The following ASPHD2 variants were observed in gnomAD, a reference collection of about 807,000 sequenced individuals.
ASPHD2 encodes aspartate beta-hydroxylase domain containing 2, also known as aspartate beta-hydroxylase domain-containing protein 2.
Under a neutral mutation model 34.6 loss-of-function variants are expected in ASPHD2, and 12 were observed. The ratio of observed to expected loss-of-function variants is 0.35; its 90% CI spans 0.22 to 0.56. The LOEUF is 0.56. Ranked by LOEUF, ASPHD2 falls within the 20% of genes least tolerant of loss-of-function variation. The pLI, the probability that ASPHD2 is intolerant of heterozygous loss-of-function variation, is 0.87. For synonymous variants in ASPHD2, 224 were observed against 212.2 expected (o/e 1.06, Z -0.48); for missense variants, 375 against 505.0 (o/e 0.74, Z 2.47).
chr22:26,442,317 C>CCATA (rs1228027846), intron 2 of ASPHD2, 142 bp from the exon 3 acceptor site: 4 of 622,916 alleles, frequency 6.4e-6, no homozygotes, highest in African/African-American at 1.9e-5. Flanking sequence ...AGCCTTCAGA[C>CCATA]CATAGCACGG....
At chr22:26,441,554 C>T (rs2084840167) in intron 2 of ASPHD2, among the ~76,000 whole-genome samples, 1 of 148,236 alleles carries the variant, frequency 6.7e-6, no homozygotes, top group South Asian at 2.2e-4. Context: ...CTTTGGGAGG[C>T]TGAGGCAAGC....
Position 26,434,110 on chromosome 22 carries a change from C to G in ASPHD2, c.495C>G (p.Pro165=), listed in dbSNP as rs373619402. The G allele has an allele frequency of 3.0e-5, 49 of 1,612,658 alleles. No individual in the cohort carries two copies. The Middle Eastern group carries it at 5.0e-4, about 16-fold the overall frequency. ...YLNSRPSIQK[P]EVFFLPDLPT... The stretch of plus-strand genomic sequence containing the variant: ...ACAGCCGGCCCTCCATCCAGAAGCC[C>G]GAGGTCTTCTTCCTGCCCGACCTGC... The change falls in exon 2 of 4, where the codon CCC becomes CCG. Residue 165 remains proline, a synonymous_variant. Transcript: ENST00000215906.
At chr22:26,438,098 GA>G (rs1478425723) in intron 2 of ASPHD2, among the ~76,000 whole-genome samples, 1 of 152,164 alleles carries the variant, frequency 6.6e-6, no homozygotes, top group African/African-American at 2.4e-5. Context: ...ACGTGGCGAT[GA>G]ATCATTTAGT....
intron 1 of ASPHD2, among the ~76,000 whole-genome samples, chr22:26,432,972 G>C (rs1366974317): frequency 6.6e-6 from 1 of 152,224 alleles, no homozygotes; most frequent in Non-Finnish European, 1.5e-5. Flanking sequence ...TAAAGGTACA[G>C]CGATCACAGG....
At chr22:26,431,326 CAG>C (rs1158462746) in intron 1 of ASPHD2, among the ~76,000 whole-genome samples, 3 of 150,948 alleles carry the variant, frequency 2.0e-5, no homozygotes, top group African/African-American at 4.9e-5. Context: ...AGGAGAGAAA[CAG>C]GGGGCTGAAG....
intron 2 of ASPHD2, among the ~76,000 whole-genome samples, chr22:26,437,246 C>G (rs990302453): frequency 6.6e-6 from 1 of 152,240 alleles, no homozygotes; most frequent in African/African-American, 2.4e-5. Flanking sequence ...AAGGTAGAGG[C>G]ACCTGCAGTT....
chr22:26,438,496 C>CACATACATATATAT (rs1203622411), intron 2 of ASPHD2, among the ~76,000 whole-genome samples: 2 of 88,382 alleles, frequency 2.3e-5, no homozygotes, highest in Non-Finnish European at 4.6e-5. Flanking sequence ...TATAGATACA[C>CACATACATATATAT]ACATACATAT....
intron 2 of ASPHD2, among the ~76,000 whole-genome samples, chr22:26,438,664 TACAC>T (rs1279396555): frequency 8.8e-6 from 1 of 113,728 alleles, no homozygotes; most frequent in Non-Finnish European, 1.9e-5. Flanking sequence ...TATATATATA[TACAC>T]ATACATACAT....
rs1287884905 is a variant in ASPHD2 at position 26,433,874 on chromosome 22, G to A, written c.259G>A (p.Val87Ile). Residue 87 changes from valine (V) to isoleucine (I), a missense_variant, in exon 2 of 4, where the codon GTC becomes ATC. Transcript: ENST00000215906. This position sits in a 1 kb window ranked among gnomAD's most constrained non-coding sequence, Gnocchi z 5.1. ...GGGCAGGGAGCAGCCCCGGCCCTACGTCTCCGTCAACTCCCTCATGCAGGC... is the reference window on the plus strand; with the variant it reads ...GGGCAGGGAGCAGCCCCGGCCCTACATCTCCGTCAACTCCCTCATGCAGGC... ...HVGREQPRPYVSVNSLMQAAD... is the reference protein window; with the variant it reads ...HVGREQPRPYISVNSLMQAAD... The A allele has an allele frequency of 1.5e-5, 24 of 1,613,702 alleles. No individual in the cohort carries two copies. The highest frequency in any genetic ancestry group is 6.7e-5 in the East Asian group (3 of 44,898).
intron 3 of ASPHD2, 126 bp from the exon 4 acceptor site, chr22:26,442,971 C>T (rs996952840): frequency 3.8e-5 from 28 of 728,358 alleles, no homozygotes; most frequent in East Asian, 2.2e-4. Context: ...TGGTCCGATC[C>T]GAGCCGAGGG....
intron 2 of ASPHD2, among the ~76,000 whole-genome samples, chr22:26,438,520 T>TATACACATACAA (rs1342206432): frequency 6.8e-6 from 1 of 146,732 alleles, no homozygotes; most frequent in Non-Finnish European, 1.5e-5. Flanking sequence ...TACATACATA[T>TATACACATACAA]ATATACATAC....
Position 26,429,964 on chromosome 22 carries a change from C to T in ASPHD2, c.-225+478C>T, listed in dbSNP as rs2084746734. 6.6e-6 allele frequency among the ~76,000 whole-genome samples: 1 copy of T among 152,150 alleles called. No homozygotes were observed. Among genetic ancestry groups the T allele is most frequent in the Non-Finnish European group, 1.5e-5 (1 of 68,018 alleles). On this transcript the variant is annotated intron_variant, in intron 1 of 3. Coordinates refer to ENST00000215906, the MANE Select transcript of ASPHD2 (RefSeq NM_020437.5). The surrounding 1 kb of genome is among the most constrained non-coding windows in gnomAD (Gnocchi z 4.5). ...ACTTTTCCGGGCAACACTCACCTTT[C>T]CATCGTCCCATCCCCCTCCTCCCCT...
intron 2 of ASPHD2, among the ~76,000 whole-genome samples, chr22:26,435,811 A>G (rs1241688778): frequency 6.6e-6 from 1 of 152,190 alleles, no homozygotes; most frequent in Non-Finnish European, 1.5e-5. Context: ...TTCAAGAGTA[A>G]AGGGCGGACT....
In ASPHD2 at chr22:26,443,342, A is replaced by G. The variant is rs977811427; in HGVS notation, c.*136A>G. The G allele has an allele frequency of 1.0e-5, 7 of 696,998 alleles. No homozygotes were observed. The highest frequency in any genetic ancestry group is 2.7e-5 in the East Asian group (1 of 36,946). 43.2% of individuals were successfully genotyped at this position (696,998 alleles called of 1,614,324 possible). ...GCGGAAAGCTCTTATTTGGGATTTT[A>G]TATCATGTCGGGTCCCTCTTTCCCT... On this transcript the variant is annotated 3_prime_UTR_variant, in exon 4 of 4. Transcript: ENST00000215906.
chr22:26,442,941 GCT>G (rs1437853683), intron 3 of ASPHD2, among the ~76,000 whole-genome samples, 154 bp from the exon 4 acceptor site: 1 of 152,134 alleles, frequency 6.6e-6, no homozygotes, highest in African/African-American at 2.4e-5. Flanking sequence ...CCAGGTTTAT[GCT>G]CTCAGTGAGA....
In ASPHD2 at chr22:26,434,141, A is replaced by G; in HGVS notation, c.526A>G (p.Thr176Ala). The stretch of plus-strand genomic sequence containing the variant: ...CTTCTTCCTGCCCGACCTGCCCACC[A>G]CGCCCTATTTCTCCCGGGACGCACA... ...EVFFLPDLPTTPYFSRDAQKH... is the reference protein window; with the variant it reads ...EVFFLPDLPTAPYFSRDAQKH... Residue 176 changes from threonine (T) to alanine (A), a missense_variant, in exon 2 of 4, where the codon ACG becomes GCG. By Grantham distance (58) the Thr-to-Ala change is moderately conservative. Transcript: ENST00000215906. The G allele has an allele frequency of 6.2e-7, 1 of 1,612,056 alleles. No homozygotes were observed.
Position 26,434,110 on chromosome 22 carries a change from C to T in ASPHD2, c.495C>T (p.Pro165=), listed in dbSNP as rs373619402. The change falls in exon 2 of 4, where the codon CCC becomes CCT. Residue 165 remains proline (P), a synonymous_variant. Transcript: ENST00000215906. ...YLNSRPSIQK[P]EVFFLPDLPT... ...ACAGCCGGCCCTCCATCCAGAAGCC[C>T]GAGGTCTTCTTCCTGCCCGACCTGC... 1 of 1,612,658 alleles carries T rather than the reference C, an allele frequency of 6.2e-7. No individual in the cohort carries two copies. The highest frequency in any genetic ancestry group is 1.7e-5 in the Admixed American group (1 of 59,534).
Sources: gnomAD v4.1 joint callset for allele counts (sites outside exome capture counted in the v4.1 genomes callset) on GRCh38, gnomAD v4.1.1 for gene constraint, Gnocchi (gnomAD v3.1) non-coding constraint, MANE v1.5 for transcripts, NCBI Gene and HGNC (gene_info 2026-07-23, HGNC 2026-07-21) for gene names.